ANKRD45: variants seen among roughly 807,000 people sequenced by gnomAD.
ANKRD45 encodes the protein ankyrin repeat domain-containing protein 45.
Under a neutral mutation model 28.1 loss-of-function variants are expected in ANKRD45, and 21 were observed. That is an observed-to-expected ratio of 0.75 (90% CI 0.53 to 1.08). The LOEUF is 1.08. ANKRD45 is among the 50% of genes least tolerant of loss of function. The pLI, the probability that ANKRD45 is intolerant of heterozygous loss-of-function variation, is 0.00. For missense variants in ANKRD45, 261 were observed against 308.7 expected, an observed-to-expected ratio of 0.85 and a Z score of 1.16; for synonymous variants, 86 against 103.9, an observed-to-expected ratio of 0.83 and a Z score of 1.05.
the ANKRD45 span, among the ~76,000 whole-genome samples, chr1:173,703,180 C>T: frequency 3.3e-5 from 5 of 151,746 alleles, no homozygotes; most frequent in East Asian, 5.8e-4. Flanking sequence ...GGGTTACAGG[C>T]GCATACCACT....
chr1:173,627,509 T>C (rs971757210), intron 3 of ANKRD45, among the ~76,000 whole-genome samples: 7 of 152,120 alleles, frequency 4.6e-5, no homozygotes, highest in African/African-American at 1.7e-4. Flanking sequence ...TACAGCTCAA[T>C]GCTTCCCTAT....
intron 2 of ANKRD45, among the ~76,000 whole-genome samples, chr1:173,654,007 A>T (rs966638342): frequency 0.011 from 1,688 of 148,402 alleles, 42 homozygotes; most frequent in African/African-American, 0.04. Context: ...GTCTCTGCAC[A>T]TGAGATGGGT....
rs922843378 is a variant in ANKRD45 at position 173,610,004 on chromosome 1, A to G, written c.*141T>C. The G allele has an allele frequency of 8.5e-6, 7 of 822,342 alleles. No individual in the cohort carries two copies. The African/African-American group carries it at 1.2e-4, about 14-fold the overall frequency. 50.9% of individuals were successfully genotyped at this position (822,342 alleles called of 1,614,324 possible). On this transcript the variant is annotated 3_prime_UTR_variant, in exon 6 of 6. Transcript: ENST00000333279. ...GAGTCCGGACATAAGCATGCTGAAC[A>G]GGTCAAACAAAACAAGGGCGATGTA...
intron 5 of ANKRD45, among the ~76,000 whole-genome samples, chr1:173,617,442 CAGCTCTGGGGAGTTCAAGA>C (rs1423103809): frequency 6.7e-6 from 1 of 150,242 alleles, no homozygotes; most frequent in East Asian, 1.9e-4. Context: ...TCTAGCCTTC[CAGCTCTGGGGAGTTCAAGA>C]AGTCCTGATG....
chr1:173,688,646 CCT>C, the ANKRD45 span, among the ~76,000 whole-genome samples: 47 of 138,098 alleles, frequency 3.4e-4, no homozygotes, highest in African/African-American at 1.2e-3. Context: ...CTGCCTCTTT[CCT>C]CTCTCTCTTT....
the ANKRD45 span, among the ~76,000 whole-genome samples, chr1:173,701,843 GAATTA>G: frequency 6.6e-6 from 1 of 151,718 alleles, no homozygotes; most frequent in African/African-American, 2.4e-5. Flanking sequence ...TTAAAAATTA[GAATTA>G]AATTAAAAAT....
At chr1:173,705,697 T>C in the ANKRD45 span, among the ~76,000 whole-genome samples, 2 of 151,996 alleles carry the variant, frequency 1.3e-5, no homozygotes, top group African/African-American at 4.8e-5. Context: ...AAATAGATTT[T>C]GCTTAAGTGA....
the ANKRD45 span, among the ~76,000 whole-genome samples, chr1:173,713,181 A>G: frequency 6.6e-6 from 1 of 152,246 alleles, no homozygotes; most frequent in South Asian, 2.1e-4. Flanking sequence ...ATAAGATCAC[A>G]AAGCTAGTCA....
intron 3 of ANKRD45, chr1:173,635,453 T>A: frequency 9.3e-7 from 1 of 1,078,468 alleles, no homozygotes; most frequent in Non-Finnish European, 1.3e-6. Context: ...TTTATTTTAT[T>A]ATTTAGCTAA....
At chr1:173,646,695 AAG>A (rs1055206190) in intron 3 of ANKRD45, 149 bp downstream of exon 3, 31 of 733,568 alleles carry the variant, frequency 4.2e-5, no homozygotes, top group Middle Eastern at 2.4e-4. Flanking sequence ...AAAACAAAGA[AAG>A]AGGGGGAAAT....
the ANKRD45 span, among the ~76,000 whole-genome samples, chr1:173,691,285 G>T: frequency 2.0e-5 from 3 of 152,082 alleles, no homozygotes; most frequent in East Asian, 1.9e-4. Context: ...GTTATTCCTC[G>T]CACTGGGTGG....
At position 173,657,625 on chromosome 1, in the gene ANKRD45, C is replaced by CTTTTTTTTTTTTTTTTTTTTTTTTTTT. The variant is rs778299894; in HGVS notation, c.328+1465_328+1466insAAAAAAAAAAAAAAAAAAAAAAAAAAA. 1.3e-4 allele frequency: 9 copies of CTTTTTTTTTTTTTTTTTTTTTTTTTTT among 70,694 alleles called. 2 individuals are homozygous for CTTTTTTTTTTTTTTTTTTTTTTTTTTT. The highest frequency in any genetic ancestry group is 4.2e-4 in the Admixed American group (2 of 4,710). 4.4% of individuals were successfully genotyped at this position (70,694 alleles called of 1,614,324 possible). A position where few individuals can be genotyped will look rare whatever the true frequency, so the allele number is the denominator to read the frequency against. ...GTTTTCTATTTTCTTTCTTCTTCTTCTTTTTTTTTTTTTTTTTTTCAGCAA... is the reference window on the plus strand; with the variant it reads ...GTTTTCTATTTTCTTTCTTCTTCTTCTTTTTTTTTTTTTTTTTTTTTTTTTTTTTTTTTTTTTTTTTTTTTTCAGCAA... On this transcript the variant is annotated intron_variant, in intron 2 of 5. Coordinates refer to ENST00000333279, the MANE Select transcript of ANKRD45 (RefSeq NM_198493.3).
chr1:173,648,956 A>G (rs1669055375), intron 2 of ANKRD45, among the ~76,000 whole-genome samples: 2 of 152,314 alleles, frequency 1.3e-5, no homozygotes, highest in South Asian at 2.1e-4. Context: ...GTTTTAACTC[A>G]GGTAGTCTGG....
chr1:173,608,411 G>A lies in ANKRD45; in HGVS notation c.*1734C>T, dbSNP rs1054216404. On this transcript the variant is annotated 3_prime_UTR_variant, in exon 6 of 6. Coordinates refer to ENST00000333279, the MANE Select transcript of ANKRD45 (RefSeq NM_198493.3). ...CGGCTCACTGCAACCTCCACCTCCC[G>A]GGCTCAGGTGATTCTCCTGCCTCAG... is the stretch of plus-strand genomic sequence containing the variant. 5.9e-5 allele frequency among the ~76,000 whole-genome samples: 9 copies of A among 151,962 alleles called. No individual in the cohort carries two copies. Among genetic ancestry groups the A allele is most frequent in the Admixed American group, 2.6e-4 (4 of 15,264 alleles).
intron 2 of ANKRD45, among the ~76,000 whole-genome samples, chr1:173,649,175 A>T (rs920557527): frequency 6.6e-6 from 1 of 152,150 alleles, no homozygotes; most frequent in Admixed American, 6.5e-5. Context: ...CAATATTTGA[A>T]TAATCATCTT....
intron 1 of ANKRD45, chr1:173,667,780 C>A: frequency 2.4e-6 from 1 of 413,514 alleles, no homozygotes; most frequent in Admixed American, 3.2e-5. Flanking sequence ...GCACAATTAT[C>A]TGAAAAAGCT....
chr1:173,635,857 A>G, intron 3 of ANKRD45: 4 of 1,502,612 alleles, frequency 2.7e-6, no homozygotes, highest in Non-Finnish European at 3.6e-6. Context: ...TGAATTCGTG[A>G]TACAAGTAGT....
chr1:173,657,185 G>A (rs556896747), intron 2 of ANKRD45, among the ~76,000 whole-genome samples: 22 of 151,268 alleles, frequency 1.5e-4, no homozygotes, highest in African/African-American at 4.4e-4. Context: ...ATTAAAGCTC[G>A]GCTGGGCGCG....
intron 5 of ANKRD45, among the ~76,000 whole-genome samples, chr1:173,612,117 C>G (rs1174561830): frequency 6.6e-6 from 1 of 151,854 alleles, no homozygotes; most frequent in Non-Finnish European, 1.5e-5. Context: ...GGTGGCATAC[C>G]GCTGTACTCC....
Sources: allele counts gnomAD v4.1 joint callset (sites outside exome capture counted in the v4.1 genomes callset), GRCh38; gene constraint gnomAD v4.1.1; transcripts MANE v1.5; gene names NCBI Gene and HGNC (gene_info 2026-07-23, HGNC 2026-07-21).